Variants in MYO5A observed in about 807,000 individuals in gnomAD.
MYO5A encodes unconventional myosin-Va.
In MYO5A, 98 loss-of-function variants were observed where a neutral mutation model predicts 249.7. The observed-to-expected ratio is 0.39, with a 90% CI of 0.33 to 0.46. The LOEUF (loss-of-function observed/expected upper bound fraction) is 0.46, where lower values mean the gene tolerates loss of function less well. Ranked by LOEUF, MYO5A falls within the 20% of genes least tolerant of loss-of-function variation. MYO5A has a pLI of 0.98. For synonymous variants in MYO5A, 778 were observed against 810.6 expected (o/e 0.96, Z 0.68); for missense variants, 1,696 against 2,308.8 (o/e 0.73, Z 5.44).
intron 38 of MYO5A, among the ~76,000 whole-genome samples, chr15:52,320,938 G>A (rs565443316): frequency 1.6e-3 from 248 of 151,970 alleles, no homozygotes; most frequent in Non-Finnish European, 2.1e-3. Context: ...GCGTGAACCC[G>A]GGAGGCAGAG....
At position 52,414,230 on chromosome 15, in the gene MYO5A, C is replaced by T. The variant is rs1396478768; in HGVS notation, c.612+1915G>A. Among the ~76,000 whole-genome samples the T allele has an allele frequency of 2.0e-5, 3 of 152,224 alleles. No homozygotes were observed. The East Asian group carries it at 5.8e-4, about 29-fold the overall frequency. On this transcript the variant is annotated intron_variant, in intron 5 of 41. Transcript: ENST00000399233. ...TCCACTTGCCCTGTGACATTCTCTGCCATGTTATGCAGCACGCCGGCCCTC... is the reference window on the plus strand; with the variant it reads ...TCCACTTGCCCTGTGACATTCTCTGTCATGTTATGCAGCACGCCGGCCCTC...
chr15:52,424,263 T>C (rs868185980), intron 4 of MYO5A, among the ~76,000 whole-genome samples: 12 of 152,380 alleles, frequency 7.9e-5, no homozygotes, highest in African/African-American at 2.4e-4. Flanking sequence ...ACATGCTTTG[T>C]AGTGCTAACC....
chr15:52,521,848 G>A (rs1438826217), intron 1 of MYO5A, among the ~76,000 whole-genome samples: 1 of 152,216 alleles, frequency 6.6e-6, no homozygotes, highest in Non-Finnish European at 1.5e-5. Context: ...TCAGACTGAT[G>A]TTACAACCAA....
intron 1 of MYO5A, among the ~76,000 whole-genome samples, chr15:52,489,359 T>C (rs1033052595): frequency 6.6e-6 from 1 of 150,736 alleles, no homozygotes; most frequent in South Asian, 2.1e-4. Flanking sequence ...GGTCAGGAGA[T>C]CAAGACCATC....
At chr15:52,514,801 T>G (rs2077464453) in intron 1 of MYO5A, among the ~76,000 whole-genome samples, 1 of 152,134 alleles carries the variant, frequency 6.6e-6, no homozygotes, top group Admixed American at 6.5e-5. Context: ...TCAGGAAGCA[T>G]TACACTAACA....
At position 52,361,070 on chromosome 15, in the gene MYO5A, A is replaced by G. The variant is rs554074579; in HGVS notation, c.3310-989T>C. Among the ~76,000 whole-genome samples the G allele has an allele frequency of 3.3e-5, 5 of 152,294 alleles. No individual in the cohort carries two copies. The South Asian group carries it at 1.0e-3, about 32-fold the overall frequency. ...GCTTATGGAGAGCAGACTCATCCAG[A>G]GGCACGTAAAAGTCTCCCAGGCCAA... On this transcript the variant is annotated intron_variant, in intron 24 of 41. Coordinates refer to ENST00000399233, the MANE Select transcript of MYO5A (RefSeq NM_001382347.1).
At chr15:52,428,708 A>C in intron 2 of MYO5A, 139 bp from the exon 3 acceptor site, 8 of 887,998 alleles carry the variant, frequency 9.0e-6, no homozygotes, top group Admixed American at 3.7e-5. Flanking sequence ...TTCCAATATC[A>C]CAGAAACTGG....
chr15:52,353,070 C>T lies in MYO5A; in HGVS notation c.3621+535G>A, dbSNP rs77304232. Reference sequence around the variant, plus strand: ...TGTTCAAACACAGATTGCTGGGGCGCACCCTCAGAGATTCTGATTCAATAA... The same window carrying T: ...TGTTCAAACACAGATTGCTGGGGCGTACCCTCAGAGATTCTGATTCAATAA... On this transcript the variant is annotated intron_variant, in intron 27 of 41. Transcript: ENST00000399233. Among the ~76,000 whole-genome samples the T allele has an allele frequency of 5.8e-3, 882 of 152,284 alleles. 3 individuals are homozygous for T. The highest frequency in any genetic ancestry group is 0.01 in the Middle Eastern group (3 of 294).
Position 52,311,923 on chromosome 15 carries a change from C to T in MYO5A, c.*1773G>A, listed in dbSNP as rs2037787081. On this transcript the variant is annotated 3_prime_UTR_variant, in exon 42 of 42. Coordinates refer to ENST00000399233, the MANE Select transcript of MYO5A (RefSeq NM_001382347.1). ...AGCTGTTTGACTTCCATAAATATTG[C>T]ACATATTTTAATAAGATTTATAGAC... The T allele has an allele frequency of 1.2e-5, 1 of 81,524 alleles. No individual in the cohort carries two copies. Among genetic ancestry groups the T allele is most frequent in the Non-Finnish European group, 2.4e-5 (1 of 40,854 alleles). The allele number at this position is 81,524 out of a possible 1,614,324, so 5.1% of individuals were successfully genotyped here.
At chr15:52,506,207 C>T (rs1238428627) in intron 1 of MYO5A, among the ~76,000 whole-genome samples, 1 of 151,914 alleles carries the variant, frequency 6.6e-6, no homozygotes, top group Admixed American at 6.6e-5. Context: ...AAAAATTAGC[C>T]GGGCATGGTG....
At chr15:52,389,400 T>G (rs984829063) in intron 12 of MYO5A, 37 bp from the exon 13 acceptor site, 1 of 1,596,532 alleles carries the variant, frequency 6.3e-7, no homozygotes, top group South Asian at 1.1e-5. Flanking sequence ...GAAAACAAGG[T>G]AAATACTGTG....
Position 52,389,218 on chromosome 15 carries a change from C to T in MYO5A, c.1668+20G>A. On this transcript the variant is annotated intron_variant, in intron 13 of 41. Transcript: ENST00000399233. Reference sequence around the variant, plus strand: ...ACATTTAAGTATTCAAAAAGAAAAACTGATATAAAGCTTCCTTACTTTGTC... The same window carrying T: ...ACATTTAAGTATTCAAAAAGAAAAATTGATATAAAGCTTCCTTACTTTGTC... The T allele has an allele frequency of 1.2e-6, 2 of 1,608,662 alleles. No homozygotes were observed. The highest frequency in any genetic ancestry group is 4.5e-5 in the East Asian group (2 of 44,720).
intron 18 of MYO5A, among the ~76,000 whole-genome samples, chr15:52,378,084 A>ACCCT (rs886861679): frequency 2.0e-5 from 3 of 151,832 alleles, no homozygotes; most frequent in African/African-American, 7.3e-5. Flanking sequence ...CCTCACACCA[A>ACCCT]CCCTGCCTCC....
chr15:52,453,318 A>G (rs543671793), intron 1 of MYO5A, among the ~76,000 whole-genome samples: 1 of 152,334 alleles, frequency 6.6e-6, no homozygotes, highest in Non-Finnish European at 1.5e-5. Flanking sequence ...CCATCTTAGA[A>G]TACCATATCC....
chr15:52,357,956 T>C (rs1384112379), intron 25 of MYO5A, among the ~76,000 whole-genome samples: 1 of 152,154 alleles, frequency 6.6e-6, no homozygotes, highest in African/African-American at 2.4e-5. Context: ...TGGCAGTCAT[T>C]CTGAAATAAC....
intron 11 of MYO5A, among the ~76,000 whole-genome samples, chr15:52,393,846 C>T (rs2042369840): frequency 6.6e-6 from 1 of 152,194 alleles, no homozygotes; most frequent in African/African-American, 2.4e-5. Context: ...GTCAGCAGGA[C>T]ACCCTGACTG....
chr15:52,511,979 C>T (rs960365130), intron 1 of MYO5A, among the ~76,000 whole-genome samples: 3 of 151,776 alleles, frequency 2.0e-5, no homozygotes, highest in Non-Finnish European at 2.9e-5. Context: ...CTGGCTAACA[C>T]GGTGAAACCC....
intron 24 of MYO5A, among the ~76,000 whole-genome samples, chr15:52,360,722 A>G (rs1374225659): frequency 6.6e-6 from 1 of 152,158 alleles, no homozygotes; most frequent in Non-Finnish European, 1.5e-5. Flanking sequence ...TATGACATGT[A>G]ATACCTAGGA....
intron 1 of MYO5A, among the ~76,000 whole-genome samples, chr15:52,461,950 G>A (rs865862679): frequency 6.8e-6 from 1 of 147,424 alleles, no homozygotes; most frequent in South Asian, 2.1e-4. Context: ...GGGCAACACA[G>A]CGAGACTCCA....
Sources: allele counts gnomAD v4.1 joint callset (sites outside exome capture counted in the v4.1 genomes callset), GRCh38; gene constraint gnomAD v4.1.1; transcripts MANE v1.5; gene names NCBI Gene and HGNC (gene_info 2026-07-23, HGNC 2026-07-21).